The following DPYSL4 variants were observed in gnomAD, a reference collection of about 807,000 sequenced individuals.
DPYSL4 encodes the protein dihydropyrimidinase-related protein 4.
A neutral mutation model predicts 63.4 loss-of-function variants in DPYSL4; 43 were observed. That is an observed-to-expected ratio of 0.68 (90% CI 0.53 to 0.88). The LOEUF is 0.88. Ranked by LOEUF, DPYSL4 falls within the 40% of genes least tolerant of loss-of-function variation. The pLI is 0.00. For synonymous variants in DPYSL4, 353 were observed against 331.7 expected, an observed-to-expected ratio of 1.06 and a Z score of -0.70; for missense variants, 733 against 819.5, an observed-to-expected ratio of 0.89 and a Z score of 1.29.
chr10:132,197,157 G>T, intron 6 of DPYSL4, 56 bp downstream of exon 6: 1 of 1,422,432 alleles, frequency 7.0e-7, no homozygotes, highest in Non-Finnish European at 9.3e-7. Flanking sequence ...TGGGGCAGGG[G>T]CTGCCTGTGG....
At chr10:132,189,702 T>C (rs985938990) in intron 1 of DPYSL4, among the ~76,000 whole-genome samples, 1 of 152,152 alleles carries the variant, frequency 6.6e-6, no homozygotes, top group African/African-American at 2.4e-5. Context: ...CTTCCCATAG[T>C]CCTGTCCCAG....
At position 132,203,919 on chromosome 10, in the gene DPYSL4, G is replaced by A. The variant is rs1259139175; in HGVS notation, c.1619G>A (p.Ser540Asn). The A allele has an allele frequency of 6.2e-7, 1 of 1,601,328 alleles. No homozygotes were observed. Among genetic ancestry groups the A allele is most frequent in the South Asian group, 1.1e-5 (1 of 90,562 alleles). The change falls in exon 13 of 14, where the codon AGC becomes AAC. Residue 540 changes from serine to asparagine, a missense_variant. Transcript: ENST00000338492. ...CGCAACCTACATCAGTCGGGGTTCA[G>A]CCTATCTGGTGAGTTGGGCCTGGGG... ...PVRNLHQSGFSLSGSQADDHI... is the reference protein window; with the variant it reads ...PVRNLHQSGFNLSGSQADDHI...
chr10:132,198,362 A>G lies in DPYSL4; in HGVS notation c.622-53A>G. The G allele has an allele frequency of 3.2e-6, 5 of 1,553,224 alleles. No individual in the cohort carries two copies. In the Admixed American group the frequency reaches 7.5e-5, roughly 23 times the overall value. ...CTCCCAGCCTTGGGCTTAGCATCCA[A>G]GGCCCAGGCTCCCTTCAGGGCTTGG... On this transcript the variant is annotated intron_variant, in intron 6 of 13. Coordinates refer to ENST00000338492, the MANE Select transcript of DPYSL4 (RefSeq NM_006426.3).
At chr10:132,191,063 A>G (rs1590089342) in intron 2 of DPYSL4, among the ~76,000 whole-genome samples, 1 of 146,028 alleles carries the variant, frequency 6.8e-6, no homozygotes, top group South Asian at 2.2e-4. Context: ...GTCACATGGT[A>G]TCCAGGCAGG....
chr10:132,201,799 G>T (rs1205283712), intron 10 of DPYSL4, 147 bp from the exon 11 acceptor site: 4 of 849,020 alleles, frequency 4.7e-6, no homozygotes, highest in Non-Finnish European at 7.0e-6. Flanking sequence ...ACCTTGTGGG[G>T]GGCCTGGTGG....
rs535852329 is a variant in DPYSL4, at chr10:132,198,946, C to A, written c.786C>A (p.Asp262Glu). The A allele has an allele frequency of 4.3e-6, 7 of 1,612,394 alleles. No homozygotes were observed. Among genetic ancestry groups the A allele is most frequent in the Non-Finnish European group, 5.9e-6 (7 of 1,179,766 alleles). The change falls in exon 8 of 14, where the codon GAC becomes GAA. Residue 262 changes from aspartate (D) to glutamate (E), a missense_variant. Physicochemically the swap from Asp to Glu is conservative, Grantham distance 45. Coordinates refer to ENST00000338492, the MANE Select transcript of DPYSL4 (RefSeq NM_006426.3). The stretch of plus-strand genomic sequence containing the variant: ...AGGTGATGAGCAAGGGGGCGGCCGA[C>A]GCCATCGCTCAGGCCAAGCGCAGAG... ...VTKVMSKGAA[D>E]AIAQAKRRGV...
At chr10:132,203,678 C>T (rs2062052438) in intron 12 of DPYSL4, 84 bp from the exon 13 acceptor site, 9 of 1,265,658 alleles carry the variant, frequency 7.1e-6, no homozygotes, top group Admixed American at 2.0e-5. Flanking sequence ...TGCCCATGCT[C>T]AGCCCCTCAT....
chr10:132,204,349 G>A (rs2137527720), intron 13 of DPYSL4, among the ~76,000 whole-genome samples: 1 of 152,304 alleles, frequency 6.6e-6, no homozygotes, highest in Admixed American at 6.5e-5. Flanking sequence ...GGCCTGGAGG[G>A]ATACACGAGA....
At chr10:132,198,779 A>C in intron 7 of DPYSL4, 72 bp from the exon 8 acceptor site, 2 of 1,580,960 alleles carry the variant, frequency 1.3e-6, no homozygotes, top group Non-Finnish European at 1.7e-6. Flanking sequence ...ACACCTGGGC[A>C]TCCCCATTGC....
chr10:132,203,103 G>A (rs561553995), intron 12 of DPYSL4, among the ~76,000 whole-genome samples: 1 of 152,362 alleles, frequency 6.6e-6, no homozygotes, highest in African/African-American at 2.4e-5. Context: ...GTCATCCACG[G>A]TTGTTAGAGA....
rs1408595915 is a variant in DPYSL4 at position 132,196,848 on chromosome 10, G to C, written c.479-13G>C. Reference sequence around the variant, plus strand: ...GGTGATGGCTGAGCCTCTGACCCCTGCCTCTTCTCCAGGTGTGAACTCCTT... The same window carrying C: ...GGTGATGGCTGAGCCTCTGACCCCTCCCTCTTCTCCAGGTGTGAACTCCTT... On this transcript the variant is annotated splice_polypyrimidine_tract_variant and intron_variant, in intron 4 of 13. Coordinates refer to ENST00000338492, the MANE Select transcript of DPYSL4 (RefSeq NM_006426.3). The C allele has an allele frequency of 6.2e-7, 1 of 1,613,460 alleles. No individual in the cohort carries two copies. Among genetic ancestry groups the C allele is most frequent in the African/African-American group, 1.3e-5 (1 of 74,934 alleles).
intron 6 of DPYSL4, 50 bp downstream of exon 6, chr10:132,197,151 G>T (rs895139566): frequency 6.9e-7 from 1 of 1,441,110 alleles, no homozygotes; most frequent in East Asian, 2.5e-5. Flanking sequence ...CTGCCGTGGG[G>T]CAGGGGCTGC....
chr10:132,203,588 G>A, intron 12 of DPYSL4, 174 bp from the exon 13 acceptor site: 1 of 608,548 alleles, frequency 1.6e-6, no homozygotes, highest in Non-Finnish European at 2.9e-6. Context: ...GTGTGAACTT[G>A]GGTTGAGCAC....
At chr10:132,188,633 C>A (rs1221357026) in intron 1 of DPYSL4, among the ~76,000 whole-genome samples, 1 of 152,234 alleles carries the variant, frequency 6.6e-6, no homozygotes, top group Non-Finnish European at 1.5e-5. Flanking sequence ...AAACTTCTTC[C>A]ACAACCAGCC....
chr10:132,191,789 A>G (rs113759689), intron 2 of DPYSL4, among the ~76,000 whole-genome samples: 1 of 83,380 alleles, frequency 1.2e-5, no homozygotes, highest in Non-Finnish European at 2.4e-5. Flanking sequence ...GGCAGGTGCA[A>G]ATAGTTCCCA....
intron 1 of DPYSL4, among the ~76,000 whole-genome samples, chr10:132,188,381 C>T (rs1314144001): frequency 6.6e-6 from 1 of 152,244 alleles, no homozygotes; most frequent in Non-Finnish European, 1.5e-5. Flanking sequence ...CTCCTCAAGC[C>T]TCCTTCTGCC....
rs1338563153 is a variant in DPYSL4, at chr10:132,202,076, C to T, written c.1241C>T (p.Pro414Leu). 1.2e-6 allele frequency: 2 copies of T among 1,613,164 alleles called. No individual in the cohort carries two copies. Among genetic ancestry groups the T allele is most frequent in the Non-Finnish European group, 1.7e-6 (2 of 1,179,942 alleles). ...GSDADLVIWNPKATKIISAKT... is the reference protein window; with the variant it reads ...GSDADLVIWNLKATKIISAKT... The stretch of plus-strand genomic sequence containing the variant: ...GACGCTGACCTGGTCATATGGAACC[C>T]CAAGGCCACCAAGATCATCTCTGCC... Residue 414 changes from proline to leucine, a missense_variant, in exon 11 of 14, where the codon CCC (proline) becomes CTC (leucine). Transcript: ENST00000338492.
chr10:132,202,292 G>A (rs1049831267), intron 11 of DPYSL4, among the ~76,000 whole-genome samples, 176 bp downstream of exon 11: 3 of 152,246 alleles, frequency 2.0e-5, no homozygotes, highest in South Asian at 2.1e-4. Flanking sequence ...CCCTGTCCAC[G>A]TCACCTCGCT....
At chr10:132,198,263 C>T (rs772910752) in intron 6 of DPYSL4, 152 bp from the exon 7 acceptor site, 11 of 676,802 alleles carry the variant, frequency 1.6e-5, no homozygotes, top group Non-Finnish European at 2.3e-5. Context: ...GCCCCTCTGC[C>T]CTCTATTCTG....
Sources: gnomAD v4.1 joint callset for allele counts (sites outside exome capture counted in the v4.1 genomes callset) on GRCh38, gnomAD v4.1.1 for gene constraint, MANE v1.5 for transcripts, NCBI Gene and HGNC (gene_info 2026-07-23, HGNC 2026-07-21) for gene names.